PRDM6: variants seen among roughly 807,000 people sequenced by gnomAD.
The protein encoded by PRDM6 is putative histone-lysine N-methyltransferase PRDM6.
A neutral mutation model predicts 60.8 loss-of-function variants in PRDM6; 25 were observed. The ratio of observed to expected loss-of-function variants is 0.41; its 90% CI spans 0.30 to 0.57. The LOEUF (loss-of-function observed/expected upper bound fraction) is 0.57. Ranked by LOEUF, PRDM6 falls within the 20% of genes least tolerant of loss-of-function variation. PRDM6 has a pLI of 0.27. For synonymous variants in PRDM6, 407 were observed against 357.4 expected, an observed-to-expected ratio of 1.14 and a Z score of -1.57; for missense variants, 839 against 821.3, an observed-to-expected ratio of 1.02 and a Z score of -0.26.
intron 5 of PRDM6, among the ~76,000 whole-genome samples, chr5:123,161,225 A>G (rs1375629228): frequency 6.6e-6 from 1 of 152,192 alleles, no homozygotes; most frequent in East Asian, 1.9e-4. Flanking sequence ...ATCAAGGCCA[A>G]ACATTTATTC....
intron 3 of PRDM6, among the ~76,000 whole-genome samples, chr5:123,143,906 A>C (rs1183029108): frequency 6.6e-6 from 1 of 152,234 alleles, no homozygotes; most frequent in African/African-American, 2.4e-5. Flanking sequence ...ATGTTAATTT[A>C]TGGTTTGCTA....
chr5:123,098,235 G>A (rs1195738512), intron 2 of PRDM6, among the ~76,000 whole-genome samples: 1 of 152,224 alleles, frequency 6.6e-6, no homozygotes, highest in Non-Finnish European at 1.5e-5. Context: ...GCCACCCGCC[G>A]CCCCGCTCTG....
intron 4 of PRDM6, among the ~76,000 whole-genome samples, chr5:123,157,153 C>A (rs541372899): frequency 1.6e-3 from 236 of 150,060 alleles, no homozygotes; most frequent in African/African-American, 5.4e-3. Context: ...GGCTTGCTCT[C>A]TGAGGTCTTC....
intron 2 of PRDM6, among the ~76,000 whole-genome samples, chr5:123,093,792 G>C (rs571327995): frequency 6.6e-6 from 1 of 152,208 alleles, no homozygotes; most frequent in Admixed American, 6.5e-5. Flanking sequence ...GACAGTCACA[G>C]GGCGCGCCTG....
At chr5:123,117,311 A>G (rs1360396575) in intron 3 of PRDM6, among the ~76,000 whole-genome samples, 1 of 152,184 alleles carries the variant, frequency 6.6e-6, no homozygotes, top group East Asian at 1.9e-4. Context: ...ACCCATACCC[A>G]GGTTATCTCT....
intron 3 of PRDM6, among the ~76,000 whole-genome samples, chr5:123,151,997 A>T (rs940737372): frequency 3.4e-5 from 5 of 149,226 alleles, no homozygotes; most frequent in Admixed American, 6.7e-5. Context: ...GAGGGAAATT[A>T]AAAAAAAAAA....
intron 5 of PRDM6, among the ~76,000 whole-genome samples, chr5:123,161,227 C>T (rs1419535128): frequency 6.6e-6 from 1 of 152,176 alleles, no homozygotes; most frequent in African/African-American, 2.4e-5. Flanking sequence ...CAAGGCCAAA[C>T]ATTTATTCAT....
chr5:123,118,640 A>G (rs944937740), intron 3 of PRDM6, among the ~76,000 whole-genome samples: 7 of 152,164 alleles, frequency 4.6e-5, no homozygotes, highest in African/African-American at 1.7e-4. Context: ...CTTACACATG[A>G]GCTGTCAGTC....
intron 1 of PRDM6, 37 bp from the exon 2 acceptor site, chr5:123,089,963 G>C: frequency 6.8e-7 from 1 of 1,460,536 alleles, no homozygotes; most frequent in Non-Finnish European, 9.3e-7. Flanking sequence ...CTTTCGCCCA[G>C]CTCACGCGCC....
At chr5:123,120,578 C>T (rs1018407172) in intron 3 of PRDM6, among the ~76,000 whole-genome samples, 3 of 152,164 alleles carry the variant, frequency 2.0e-5, no homozygotes, top group African/African-American at 7.2e-5. Flanking sequence ...ATTCTCACAG[C>T]TCACCATCCG....
At chr5:123,103,339 A>C (rs1244859333) in intron 3 of PRDM6, among the ~76,000 whole-genome samples, 1 of 152,066 alleles carries the variant, frequency 6.6e-6, no homozygotes, top group South Asian at 2.1e-4. Flanking sequence ...TTTTTAAACA[A>C]TAATAAATTC....
chr5:123,171,137 T>C (rs1338577435), intron 6 of PRDM6, 29 bp downstream of exon 6: 3 of 1,492,100 alleles, frequency 2.0e-6, no homozygotes, highest in South Asian at 2.7e-5. Context: ...GCTGACAGTG[T>C]GTTTGCTTAG....
At chr5:123,177,635 G>T (rs1017444499) in intron 6 of PRDM6, among the ~76,000 whole-genome samples, 4 of 152,124 alleles carry the variant, frequency 2.6e-5, no homozygotes, top group African/African-American at 9.7e-5. Flanking sequence ...ACCATAGAAA[G>T]CTCCATGTAT....
In PRDM6 at chr5:123,091,107, C is replaced by T. The variant is rs527440896; in HGVS notation, c.592+501C>T. ...ACCTCTGGAGGGGTCATTTTCGGGC[C>T]GCGGGGTTGTGGGGGAACCGGCGGG... On this transcript the variant is annotated intron_variant, in intron 2 of 7. Transcript: ENST00000407847. Among the ~76,000 whole-genome samples, 36 of 152,230 alleles carry T rather than the reference C, an allele frequency of 2.4e-4. No individual in the cohort carries two copies. In the South Asian group the frequency reaches 7.5e-3, roughly 32 times the overall value.
intron 3 of PRDM6, among the ~76,000 whole-genome samples, chr5:123,128,574 G>C (rs1442371045): frequency 6.6e-6 from 1 of 152,214 alleles, no homozygotes; most frequent in Non-Finnish European, 1.5e-5. Context: ...CTTCTTTTGA[G>C]AAGTGTCTGT....
chr5:123,115,209 T>TA (rs1764407171), intron 3 of PRDM6, among the ~76,000 whole-genome samples: 1 of 152,186 alleles, frequency 6.6e-6, no homozygotes, highest in Non-Finnish European at 1.5e-5. Context: ...GGAAGAGCCT[T>TA]ACGTTTGCCT....
chr5:123,173,209 T>C (rs10070735), intron 6 of PRDM6, among the ~76,000 whole-genome samples: 40,654 of 150,412 alleles, frequency 0.27, 6,085 homozygotes, highest in East Asian at 0.59. Context: ...AAAAAAATTA[T>C]ATGTATGTGT....
At chr5:123,122,570 T>G (rs1041144539) in intron 3 of PRDM6, among the ~76,000 whole-genome samples, 2 of 152,220 alleles carry the variant, frequency 1.3e-5, no homozygotes, top group Non-Finnish European at 2.9e-5. Flanking sequence ...TCTTGAGTAC[T>G]CTCTACTTAA....
intron 2 of PRDM6, among the ~76,000 whole-genome samples, chr5:123,092,568 T>C (rs1763865586): frequency 6.6e-6 from 1 of 152,226 alleles, no homozygotes; most frequent in African/African-American, 2.4e-5. Flanking sequence ...GTAACTTTTT[T>C]CTCTGGTTGG....
Sources: gnomAD v4.1 joint callset for allele counts (sites outside exome capture counted in the v4.1 genomes callset) on GRCh38, gnomAD v4.1.1 for gene constraint, MANE v1.5 for transcripts, NCBI Gene and HGNC (gene_info 2026-07-23, HGNC 2026-07-21) for gene names.